ANTXR1: variants seen among roughly 807,000 people sequenced by gnomAD.
The protein encoded by ANTXR1 is ANTXR cell adhesion molecule 1, also known as anthrax toxin receptor 1.
Under a neutral mutation model 78.1 loss-of-function variants are expected in ANTXR1, and 19 were observed. The ratio of observed to expected loss-of-function variants is 0.24; its 90% CI spans 0.17 to 0.36. The LOEUF is 0.36. Among genes scored for constraint, ANTXR1 ranks in the 10% least tolerant of loss-of-function variants. The pLI is 1.00. For missense variants in ANTXR1, 518 were observed against 718.6 expected (o/e 0.72, Z 3.19); for synonymous variants, 273 against 260.5 (o/e 1.05, Z -0.46).
chr2:69,095,325 A>G (rs900219059), intron 9 of ANTXR1, among the ~76,000 whole-genome samples: 8 of 152,106 alleles, frequency 5.3e-5, no homozygotes, highest in African/African-American at 1.9e-4. Flanking sequence ...AATGCATAAG[A>G]CTTAGTCCCA....
chr2:69,013,383 G>A lies in ANTXR1; in HGVS notation c.-117G>A, dbSNP rs1222682670. The A allele has an allele frequency of 1.1e-5, 15 of 1,403,978 alleles. No homozygotes were observed. Among genetic ancestry groups the A allele is most frequent in the Non-Finnish European group, 1.5e-5 (15 of 1,020,802 alleles). 87.0% of individuals were successfully genotyped at this position (1,403,978 alleles called of 1,614,324 possible). A position where few individuals can be genotyped will look rare whatever the true frequency, so the allele number is the denominator to read the frequency against. ...ATTGCTTCCGGGGAGTTGCGAGGGA[G>A]CGAGGGGGAATAAAGGACCCGCGAG... On this transcript the variant is annotated 5_prime_UTR_variant, in exon 1 of 18. Coordinates refer to ENST00000303714, the MANE Select transcript of ANTXR1 (RefSeq NM_032208.3). The surrounding 1 kb of genome is among the most constrained non-coding windows in gnomAD (Gnocchi z 5.0).
chr2:69,150,006 C>T (rs575159205), intron 12 of ANTXR1, among the ~76,000 whole-genome samples: 1 of 152,234 alleles, frequency 6.6e-6, no homozygotes, highest in Non-Finnish European at 1.5e-5. Flanking sequence ...CTGGGCTGCC[C>T]AGCCCTGCAC....
intron 6 of ANTXR1, among the ~76,000 whole-genome samples, chr2:69,075,152 C>T (rs1196714631): frequency 2.0e-5 from 3 of 152,028 alleles, no homozygotes; most frequent in African/African-American, 7.3e-5. Flanking sequence ...TCATTTAATC[C>T]CCAAAACACA....
intron 9 of ANTXR1, among the ~76,000 whole-genome samples, chr2:69,100,844 T>C (rs1183924074): frequency 4.6e-5 from 7 of 152,220 alleles, no homozygotes; most frequent in African/African-American, 1.4e-4. Flanking sequence ...AAGGAATCTG[T>C]CAGATGCCTG....
In ANTXR1 at chr2:69,201,649, T is replaced by C. The variant is rs138398766; in HGVS notation, c.1434+8234T>C. Among the ~76,000 whole-genome samples, 51 of 152,250 alleles carry C rather than the reference T, an allele frequency of 3.3e-4. No homozygotes were observed. The East Asian group carries it at 9.3e-3, about 28-fold the overall frequency. ...GAAGACAGCTTGGATTCACAAGATA[T>C]TGAGCAAATAATCACAGATTTGGTA... On this transcript the variant is annotated intron_variant, in intron 17 of 17. Coordinates refer to ENST00000303714, the MANE Select transcript of ANTXR1 (RefSeq NM_032208.3).
intron 17 of ANTXR1, among the ~76,000 whole-genome samples, chr2:69,193,791 C>G (rs1287200075): frequency 6.6e-6 from 1 of 152,194 alleles, no homozygotes. Flanking sequence ...GGGAGCTCTG[C>G]TGGCCACTGG....
At chr2:69,164,373 A>G (rs1673771132) in intron 13 of ANTXR1, among the ~76,000 whole-genome samples, 1 of 152,232 alleles carries the variant, frequency 6.6e-6, no homozygotes. Flanking sequence ...TGAATCTTGT[A>G]ACATGTATTA....
intron 3 of ANTXR1, among the ~76,000 whole-genome samples, chr2:69,052,661 C>T (rs1573815063): frequency 6.6e-6 from 1 of 152,088 alleles, no homozygotes; most frequent in South Asian, 2.1e-4. Context: ...AGACTTAATA[C>T]ACTTTTTCAG....
chr2:69,101,073 C>G (rs751038643), intron 9 of ANTXR1, among the ~76,000 whole-genome samples: 23 of 152,134 alleles, frequency 1.5e-4, no homozygotes, highest in Non-Finnish European at 2.4e-4. Context: ...GTCTCCATTT[C>G]CTTATTGTGA....
intron 1 of ANTXR1, among the ~76,000 whole-genome samples, chr2:69,022,041 C>T (rs754673228): frequency 5.3e-5 from 8 of 152,174 alleles, no homozygotes; most frequent in Non-Finnish European, 1.5e-5. Context: ...GGAGATTAGA[C>T]ATGCTCTCCT....
chr2:69,189,523 T>A (rs1287974063), intron 16 of ANTXR1, among the ~76,000 whole-genome samples: 1 of 152,166 alleles, frequency 6.6e-6, no homozygotes, highest in Non-Finnish European at 1.5e-5. Context: ...AAATTCTTTA[T>A]TAATCAATAG....
At chr2:69,212,561 G>T (rs942831406) in intron 17 of ANTXR1, among the ~76,000 whole-genome samples, 30 of 152,272 alleles carry the variant, frequency 2.0e-4, no homozygotes, top group Non-Finnish European at 3.5e-4. Context: ...TGATAAAATA[G>T]ATACATATTT....
intron 17 of ANTXR1, 62 bp from the exon 18 acceptor site, chr2:69,245,155 CCACCACAG>C: frequency 1.3e-6 from 2 of 1,588,916 alleles, no homozygotes; most frequent in Non-Finnish European, 1.7e-6. Context: ...TGCAAGCCGC[CCACCACAG>C]CACCACAGGC....
chr2:69,094,415 G>C (rs1218931316), intron 9 of ANTXR1, among the ~76,000 whole-genome samples: 1 of 152,138 alleles, frequency 6.6e-6, no homozygotes, highest in Non-Finnish European at 1.5e-5. Context: ...ACATGTATTG[G>C]GGGAGAGAGT....
chr2:69,208,900 T>C (rs949222444), intron 17 of ANTXR1, among the ~76,000 whole-genome samples: 7 of 152,100 alleles, frequency 4.6e-5, no homozygotes, highest in African/African-American at 9.7e-5. Context: ...GCATGTTAGG[T>C]GTTTGGGGTG....
intron 3 of ANTXR1, among the ~76,000 whole-genome samples, chr2:69,068,288 T>C (rs560707179): frequency 5.9e-5 from 9 of 152,204 alleles, no homozygotes; most frequent in Middle Eastern, 3.2e-3. Context: ...ACCTAAATAA[T>C]TGCATAATGA....
At chr2:69,149,588 T>C (rs1673331350) in intron 12 of ANTXR1, among the ~76,000 whole-genome samples, 1 of 152,238 alleles carries the variant, frequency 6.6e-6, no homozygotes, top group African/African-American at 2.4e-5. Flanking sequence ...AGTACTGCTG[T>C]TTTGTAAGCC....
chr2:69,134,809 T>C (rs960132289), intron 12 of ANTXR1, among the ~76,000 whole-genome samples: 2 of 152,186 alleles, frequency 1.3e-5, no homozygotes, highest in African/African-American at 4.8e-5. Flanking sequence ...TTCAAACTCC[T>C]GAGAATAATC....
chr2:69,206,603 T>C (rs1463048554), intron 17 of ANTXR1, among the ~76,000 whole-genome samples: 1 of 152,212 alleles, frequency 6.6e-6, no homozygotes, highest in African/African-American at 2.4e-5. Flanking sequence ...TTAGCAGAGT[T>C]CCTGAAGCCA....
Sources: allele counts gnomAD v4.1 joint callset (sites outside exome capture counted in the v4.1 genomes callset), GRCh38; gene constraint gnomAD v4.1.1; non-coding constraint Gnocchi (gnomAD v3.1); transcripts MANE v1.5; gene names NCBI Gene and HGNC (gene_info 2026-07-23, HGNC 2026-07-21).